Variants in ZNF516 observed in about 807,000 individuals in gnomAD.
The protein encoded by ZNF516 is zinc finger protein 516.
A neutral mutation model predicts 79.7 loss-of-function variants in ZNF516; 19 were observed. That is an observed-to-expected ratio of 0.24 (90% CI 0.17 to 0.35). The LOEUF (loss-of-function observed/expected upper bound fraction) is 0.35. Ranked by LOEUF, ZNF516 falls within the 10% of genes least tolerant of loss-of-function variation. ZNF516 has a pLI of 1.00. For synonymous variants in ZNF516, 877 were observed against 739.5 expected, an observed-to-expected ratio of 1.19 and a Z score of -3.02; for missense variants, 1,678 against 1,679.5, an observed-to-expected ratio of 1.00 and a Z score of 0.02.
chr18:76,382,550 A>G (rs62110869), intron 3 of ZNF516, among the ~76,000 whole-genome samples: 27,757 of 152,058 alleles, frequency 0.18, 2,664 homozygotes, highest in African/African-American at 0.24. Context: ...ATGTTCCCCA[A>G]AAGGATCATA....
At chr18:76,430,281 A>G (rs2075645742) in intron 3 of ZNF516, among the ~76,000 whole-genome samples, 1 of 152,184 alleles carries the variant, frequency 6.6e-6, no homozygotes, top group Non-Finnish European at 1.5e-5. Flanking sequence ...CACTCCTATC[A>G]TGTCCTAGTC....
intron 1 of ZNF516, among the ~76,000 whole-genome samples, chr18:76,469,268 A>G (rs1013018191): frequency 6.6e-6 from 1 of 152,220 alleles, no homozygotes. Flanking sequence ...CACCCCAAAC[A>G]TATGATTATT....
Position 76,396,396 on chromosome 18 carries a change from G to A in ZNF516, c.1811-16093C>T, listed in dbSNP as rs139323656. On this transcript the variant is annotated intron_variant, in intron 3 of 6. Transcript: ENST00000443185. The stretch of plus-strand genomic sequence containing the variant: ...AAATGCCCAGTGCCAGGAGCCCGAC[G>A]CTGTCTCAGAACTCAGGGCCACTGC... Among the ~76,000 whole-genome samples the A allele has an allele frequency of 3.1e-4, 47 of 152,220 alleles. 1 individual carries two copies. In the East Asian group the frequency reaches 3.7e-3, roughly 12 times the overall value.
chr18:76,369,941 A>G (rs561574167), intron 6 of ZNF516, among the ~76,000 whole-genome samples: 1 of 152,312 alleles, frequency 6.6e-6, no homozygotes, highest in African/African-American at 2.4e-5. Context: ...CAGGACTCAG[A>G]ACCGTGTGCT....
At chr18:76,427,311 T>C (rs2075608300) in intron 3 of ZNF516, among the ~76,000 whole-genome samples, 1 of 152,254 alleles carries the variant, frequency 6.6e-6, no homozygotes. Flanking sequence ...GGGGCTATGC[T>C]GGAGGTTTAT....
chr18:76,414,656 A>C (rs1266276154), intron 3 of ZNF516, among the ~76,000 whole-genome samples: 1 of 152,290 alleles, frequency 6.6e-6, no homozygotes, highest in African/African-American at 2.4e-5. Context: ...TTAAAGGCTC[A>C]ATTAAGAATA....
intron 3 of ZNF516, among the ~76,000 whole-genome samples, chr18:76,424,451 C>T (rs1218602060): frequency 1.4e-5 from 2 of 146,928 alleles, no homozygotes; most frequent in African/African-American, 2.5e-5. Context: ...AAAAGGCTCC[C>T]TCGAGACACA....
At chr18:76,494,714 G>T (rs1568338373) in intron 1 of ZNF516, among the ~76,000 whole-genome samples, 1 of 151,996 alleles carries the variant, frequency 6.6e-6, no homozygotes, top group South Asian at 2.1e-4. Flanking sequence ...TAGCCGGAGC[G>T]TTTTACTTTA....
At chr18:76,404,658 C>T (rs1336308134) in intron 3 of ZNF516, among the ~76,000 whole-genome samples, 1 of 152,046 alleles carries the variant, frequency 6.6e-6, no homozygotes, top group Admixed American at 6.5e-5. Context: ...TGCATGTGTA[C>T]ATGGGTGAGC....
At chr18:76,414,548 G>C (rs1302842278) in intron 3 of ZNF516, among the ~76,000 whole-genome samples, 1 of 152,188 alleles carries the variant, frequency 6.6e-6, no homozygotes, top group Non-Finnish European at 1.5e-5. Flanking sequence ...ACTGCTATTT[G>C]AATCTACATA....
intron 2 of ZNF516, among the ~76,000 whole-genome samples, 190 bp from the exon 3 acceptor site, chr18:76,443,401 T>G (rs1393081643): frequency 6.6e-6 from 1 of 152,220 alleles, no homozygotes; most frequent in Non-Finnish European, 1.5e-5. Context: ...CACTTAATTA[T>G]CAATAATGAA....
At chr18:76,418,245 A>G (rs760426624) in intron 3 of ZNF516, among the ~76,000 whole-genome samples, 2 of 152,144 alleles carry the variant, frequency 1.3e-5, no homozygotes, top group Non-Finnish European at 1.5e-5. Flanking sequence ...TCACACTATA[A>G]CACACTAACA....
rs957594153 is a variant in ZNF516 at position 76,379,123 on chromosome 18, T to C, written c.2991A>G (p.Leu997=). ...CCTTCGAGGGGGGCTCGCGGGGAGG[T>C]AGAGGAGGAGCGCCCCCTTCGCCCT... ...PAKGEGGAPP[L]PPREPPSKAA... is the part of the protein sequence containing the mutation. The change falls in exon 4 of 7, where the codon CTA becomes CTG. Residue 997 remains leucine, a synonymous_variant. Transcript: ENST00000443185. The C allele has an allele frequency of 8.1e-6, 13 of 1,611,574 alleles. No homozygotes were observed. The highest frequency in any genetic ancestry group is 1.0e-5 in the Non-Finnish European group (12 of 1,179,462).
At chr18:76,474,970 C>A (rs1914091371) in intron 1 of ZNF516, among the ~76,000 whole-genome samples, 1 of 152,174 alleles carries the variant, frequency 6.6e-6, no homozygotes, top group South Asian at 2.1e-4. Context: ...AAGCAAGAAA[C>A]CAGAGCTCTC....
chr18:76,386,773 C>G (rs1368489177), intron 3 of ZNF516: 1 of 152,194 alleles, frequency 6.6e-6, no homozygotes, highest in African/African-American at 2.4e-5. Context: ...CTGGACTTTT[C>G]AAGATTTTCC....
chr18:76,413,890 CTTAT>C (rs760953479), intron 3 of ZNF516, among the ~76,000 whole-genome samples: 3 of 152,296 alleles, frequency 2.0e-5, no homozygotes, highest in Non-Finnish European at 4.4e-5. Context: ...TGAACATCTG[CTTAT>C]TTAAAAGGTT....
chr18:76,404,609 ATGTT>A (rs1238729100), intron 3 of ZNF516, among the ~76,000 whole-genome samples: 29 of 152,120 alleles, frequency 1.9e-4, no homozygotes, highest in East Asian at 1.7e-3. Context: ...ATACTAGTGT[ATGTT>A]TGTAAGTATG....
chr18:76,407,532 T>C (rs2145272572), intron 3 of ZNF516, among the ~76,000 whole-genome samples: 1 of 152,286 alleles, frequency 6.6e-6, no homozygotes, highest in South Asian at 2.1e-4. Context: ...CGGGGCCATG[T>C]GATTGGAACC....
chr18:76,401,321 T>A (rs2075217636), intron 3 of ZNF516, among the ~76,000 whole-genome samples: 1 of 151,648 alleles, frequency 6.6e-6, no homozygotes. Flanking sequence ...CAGACAAATC[T>A]CTGGAAAGCC....
Sources: allele counts gnomAD v4.1 joint callset (sites outside exome capture counted in the v4.1 genomes callset), GRCh38; gene constraint gnomAD v4.1.1; transcripts MANE v1.5; gene names NCBI Gene and HGNC (gene_info 2026-07-23, HGNC 2026-07-21).